SCGB2B2: variants seen among roughly 807,000 people sequenced by gnomAD.
SCGB2B2 encodes the protein secretoglobin family 2B member 2, also known as secretoglobin-like protein.
A neutral mutation model predicts 7.6 loss-of-function variants in SCGB2B2; 11 were observed. That is an observed-to-expected ratio of 1.45 (90% CI 0.91 to 2.40). SCGB2B2 has a LOEUF of 2.40. Ranked by LOEUF, SCGB2B2 falls within the 30% of genes most tolerant of loss-of-function variation. The pLI, the probability that SCGB2B2 is intolerant of heterozygous loss-of-function variation, is 0.00. For missense variants in SCGB2B2, 104 were observed against 115.4 expected (o/e 0.90, Z 0.45); for synonymous variants, 50 against 48.6 (o/e 1.03, Z -0.12).
At chr19:34,657,551 C>T (rs761682051) in intron 1 of SCGB2B2, among the ~76,000 whole-genome samples, 2 of 152,056 alleles carry the variant, frequency 1.3e-5, no homozygotes, top group Non-Finnish European at 2.9e-5. Flanking sequence ...GAAGAGCTAA[C>T]TATCCTAAAT....
intron 1 of SCGB2B2, among the ~76,000 whole-genome samples, chr19:34,614,713 A>C (rs888371750): frequency 2.0e-4 from 31 of 152,292 alleles, no homozygotes; most frequent in African/African-American, 7.5e-4. Flanking sequence ...TTATCTGTAC[A>C]TCTGGTGGAA....
intron 1 of SCGB2B2, among the ~76,000 whole-genome samples, chr19:34,666,348 C>T (rs2067621117): frequency 6.6e-6 from 1 of 152,242 alleles, no homozygotes; most frequent in South Asian, 2.1e-4. Context: ...ACACCCCACA[C>T]ACTCCCGACA....
intron 1 of SCGB2B2, among the ~76,000 whole-genome samples, chr19:34,668,822 A>C (rs138203315): frequency 6.6e-6 from 1 of 152,000 alleles, no homozygotes; most frequent in African/African-American, 2.4e-5. Context: ...TAGCTCAGGG[A>C]TTGTAAACGC....
chr19:34,627,738 C>A (rs10407912), intron 1 of SCGB2B2, among the ~76,000 whole-genome samples: 47,953 of 151,968 alleles, frequency 0.32, 8,408 homozygotes, highest in Middle Eastern at 0.47. Flanking sequence ...CAAGGATATC[C>A]AGGAATTCAA....
intron 1 of SCGB2B2, among the ~76,000 whole-genome samples, chr19:34,615,564 A>C (rs2066050740): frequency 6.6e-6 from 1 of 151,296 alleles, no homozygotes; most frequent in Non-Finnish European, 1.5e-5. Flanking sequence ...TCATATTCAT[A>C]CTGTCTTTGG....
intron 1 of SCGB2B2, among the ~76,000 whole-genome samples, chr19:34,639,515 G>A (rs1166018168): frequency 6.6e-6 from 1 of 152,120 alleles, no homozygotes; most frequent in African/African-American, 2.4e-5. Context: ...ATAAGTAATT[G>A]CTATATAATG....
chr19:34,625,379 G>T (rs2066343661), intron 1 of SCGB2B2, among the ~76,000 whole-genome samples: 1 of 152,220 alleles, frequency 6.6e-6, no homozygotes, highest in South Asian at 2.1e-4. Context: ...GTCAAAGAAA[G>T]GGGTGACAGA....
chr19:34,672,868 A>G (rs1013155534), intron 1 of SCGB2B2, among the ~76,000 whole-genome samples: 2 of 152,062 alleles, frequency 1.3e-5, no homozygotes, highest in African/African-American at 4.8e-5. Context: ...AAGGACATCA[A>G]TCCATTCATA....
At chr19:34,630,279 A>G (rs916209552) in intron 1 of SCGB2B2, among the ~76,000 whole-genome samples, 7 of 151,934 alleles carry the variant, frequency 4.6e-5, no homozygotes, top group Non-Finnish European at 4.4e-5. Flanking sequence ...TAATTAAACT[A>G]AAGAGCTTCT....
chr19:34,669,205 A>T (rs1035297746), intron 1 of SCGB2B2, among the ~76,000 whole-genome samples: 1 of 152,144 alleles, frequency 6.6e-6, no homozygotes, highest in African/African-American at 2.4e-5. Flanking sequence ...AGTCAGTGAG[A>T]CCAAGAACCC....
intron 1 of SCGB2B2, among the ~76,000 whole-genome samples, chr19:34,623,284 C>G (rs2066286073): frequency 6.6e-6 from 1 of 152,114 alleles, no homozygotes; most frequent in Non-Finnish European, 1.5e-5. Flanking sequence ...AAGCAAACTT[C>G]AGGGTCTGAC....
chr19:34,619,486 T>A (rs957118516), intron 1 of SCGB2B2, among the ~76,000 whole-genome samples: 1 of 152,210 alleles, frequency 6.6e-6, no homozygotes, highest in African/African-American at 2.4e-5. Context: ...TAACCTTGGA[T>A]GCATGAAGTG....
chr19:34,660,669 G>A (rs1171653221), intron 1 of SCGB2B2, among the ~76,000 whole-genome samples: 1 of 152,234 alleles, frequency 6.6e-6, no homozygotes, highest in Non-Finnish European at 1.5e-5. Flanking sequence ...CTTTTACATT[G>A]TTGGTTGAAG....
chr19:34,667,034 C>T (rs2067647138), intron 1 of SCGB2B2, among the ~76,000 whole-genome samples: 2 of 152,140 alleles, frequency 1.3e-5, no homozygotes, highest in African/African-American at 2.4e-5. Flanking sequence ...ACCAACACCA[C>T]GACCCCCGAG....
At chr19:34,619,119 T>C (rs1294524212) in intron 1 of SCGB2B2, among the ~76,000 whole-genome samples, 1 of 152,198 alleles carries the variant, frequency 6.6e-6, no homozygotes, top group African/African-American at 2.4e-5. Flanking sequence ...AAAGTTTCTA[T>C]TTTTTTCTGA....
intron 1 of SCGB2B2, among the ~76,000 whole-genome samples, chr19:34,609,693 C>A (rs556845683): frequency 6.6e-6 from 1 of 152,174 alleles, no homozygotes; most frequent in African/African-American, 2.4e-5. Flanking sequence ...TGTTTTTATG[C>A]CAGTACAATA....
intron 1 of SCGB2B2, among the ~76,000 whole-genome samples, chr19:34,649,185 C>T (rs989572509): frequency 2.0e-5 from 3 of 152,144 alleles, no homozygotes; most frequent in South Asian, 2.1e-4. Context: ...GGATTACAGA[C>T]GTGAGCCACT....
chr19:34,589,850 C>G (rs548528977), downstream of SCGB2B2, among the ~76,000 whole-genome samples: 1 of 152,090 alleles, frequency 6.6e-6, no homozygotes, highest in Admixed American at 6.5e-5. Flanking sequence ...CAGGAGCCCC[C>G]GAGGGCTTTT....
intron 1 of SCGB2B2, among the ~76,000 whole-genome samples, chr19:34,598,897 A>G (rs2065537410): frequency 6.6e-6 from 1 of 152,186 alleles, no homozygotes; most frequent in African/African-American, 2.4e-5. Context: ...CCTCTTGCCC[A>G]CGTGGCCACA....
Sources: allele counts gnomAD v4.1 joint callset (sites outside exome capture counted in the v4.1 genomes callset), GRCh38; gene constraint gnomAD v4.1.1; transcripts MANE v1.5; gene names NCBI Gene and HGNC (gene_info 2026-07-23, HGNC 2026-07-21).